The following DGKE variants were observed in gnomAD, a reference collection of about 807,000 sequenced individuals.
The protein encoded by DGKE is DAG kinase epsilon.
Under a neutral mutation model 70.0 loss-of-function variants are expected in DGKE, and 53 were observed. That is an observed-to-expected ratio of 0.76 (90% CI 0.61 to 0.95). The LOEUF (loss-of-function observed/expected upper bound fraction) is 0.95. Among genes scored for constraint, DGKE ranks in the 40% least tolerant of loss-of-function variants. DGKE has a pLI of 0.00. For synonymous variants in DGKE, 291 were observed against 257.0 expected, an observed-to-expected ratio of 1.13 and a Z score of -1.27; for missense variants, 655 against 706.9, an observed-to-expected ratio of 0.93 and a Z score of 0.83.
rs1461964406 is a variant in DGKE at position 56,863,917 on chromosome 17, CAG to C, written c.*1128_*1129del. The C allele has an allele frequency of 1.3e-5, 2 of 152,180 alleles. No individual in the cohort carries two copies. The allele number at this position is 152,180 out of a possible 1,614,324, so 9.4% of individuals were successfully genotyped here. On this transcript the variant is annotated 3_prime_UTR_variant, in exon 12 of 12. Transcript: ENST00000284061. ...TCACATAAATTCTGCTAGTCACAAT[CAG>C]ATAGAAATTTAGTCTATTAATTAAA...
chr17:56,868,389 C>T lies in DGKE; in HGVS notation c.*5598C>T, dbSNP rs1329545005. On this transcript the variant is annotated 3_prime_UTR_variant, in exon 12 of 12. Transcript: ENST00000284061. ...TTTGTACAAGTTTAGAGCAGCCTAGCTCGAGTCCTCAACCCCAGTCCTCTT... is the reference window on the plus strand; with the variant it reads ...TTTGTACAAGTTTAGAGCAGCCTAGTTCGAGTCCTCAACCCCAGTCCTCTT... The T allele has an allele frequency of 6.6e-6, 1 of 152,260 alleles. No individual in the cohort carries two copies. Among genetic ancestry groups the T allele is most frequent in the Non-Finnish European group, 1.5e-5 (1 of 68,052 alleles). The allele number at this position is 152,260 out of a possible 1,614,324, so 9.4% of individuals were successfully genotyped here. A position where few individuals can be genotyped will look rare whatever the true frequency, so the allele number is the denominator to read the frequency against.
In DGKE at chr17:56,867,784, A is replaced by G. The variant is rs1193865296; in HGVS notation, c.*4993A>G. On this transcript the variant is annotated 3_prime_UTR_variant, in exon 12 of 12. Transcript: ENST00000284061. ...GTGGCGGGCACCTGTAGTCCCAGCT[A>G]CTCGGGAGGCTGAGGCAGGAGAATG... 6.6e-6 allele frequency: 1 copy of G among 152,012 alleles called. No homozygotes were observed. Among genetic ancestry groups the G allele is most frequent in the Non-Finnish European group, 1.5e-5 (1 of 68,158 alleles). 9.4% of individuals were successfully genotyped at this position (152,012 alleles called of 1,614,324 possible).
At chr17:56,847,808 A>ATAG (rs1181099923) in intron 4 of DGKE, 114 bp from the exon 5 acceptor site, 1 of 666,820 alleles carries the variant, frequency 1.5e-6, no homozygotes, top group Non-Finnish European at 2.2e-6. Context: ...TGTTAAATAC[A>ATAG]TAGTAGCCAG....
chr17:56,839,471 G>C (rs903176887), intron 2 of DGKE, among the ~76,000 whole-genome samples: 1 of 152,098 alleles, frequency 6.6e-6, no homozygotes, highest in Non-Finnish European at 1.5e-5. Flanking sequence ...GTTTGAATAT[G>C]GTATTTCTAA....
chr17:56,859,146 T>C (rs1908127563), intron 9 of DGKE, among the ~76,000 whole-genome samples: 1 of 138,242 alleles, frequency 7.2e-6, no homozygotes, highest in Admixed American at 7.9e-5. Flanking sequence ...CATACCAAAA[T>C]AAAAATGTAT....
Position 56,850,210 on chromosome 17 carries a change from C to T in DGKE, c.1098+978C>T, listed in dbSNP as rs555588146. On this transcript the variant is annotated intron_variant, in intron 7 of 11. Coordinates refer to ENST00000284061, the MANE Select transcript of DGKE (RefSeq NM_003647.3). The stretch of plus-strand genomic sequence containing the variant: ...TTGTGATGACAGCTCACTGCAGCCT[C>T]GACCTCTGGGCCCAAGCGATCCTCC... Among the ~76,000 whole-genome samples, 25 of 152,024 alleles carry T rather than the reference C, an allele frequency of 1.6e-4. No homozygotes were observed. The South Asian group carries it at 4.4e-3, about 27-fold the overall frequency.
intron 2 of DGKE, among the ~76,000 whole-genome samples, chr17:56,838,293 G>C (rs1218641269): frequency 6.6e-6 from 1 of 152,140 alleles, no homozygotes; most frequent in Non-Finnish European, 1.5e-5. Flanking sequence ...ATTGGTGTGT[G>C]TTTATTCATT....
chr17:56,839,683 AT>A (rs143240418), intron 2 of DGKE, among the ~76,000 whole-genome samples: 2,495 of 149,318 alleles, frequency 0.017, 66 homozygotes, highest in African/African-American at 0.058. Context: ...CATGCCTGAT[AT>A]TTTTTTTTTC....
At chr17:56,849,499 G>A (rs899567558) in intron 7 of DGKE, among the ~76,000 whole-genome samples, 1 of 152,184 alleles carries the variant, frequency 6.6e-6, no homozygotes, top group African/African-American at 2.4e-5. Flanking sequence ...GGACTTTCCA[G>A]GCAGAGGGAA....
rs1908377601 is a variant in DGKE at position 56,862,839 on chromosome 17, T to TA, written c.*49dup. 7.2e-7 allele frequency: 1 copy of TA among 1,394,322 alleles called. No individual in the cohort carries two copies. The highest frequency in any genetic ancestry group is 2.8e-5 in the Admixed American group (1 of 35,710). The allele number at this position is 1,394,322 out of a possible 1,614,324, so 86.4% of individuals were successfully genotyped here. A position where few individuals can be genotyped will look rare whatever the true frequency, so the allele number is the denominator to read the frequency against. On this transcript the variant is annotated 3_prime_UTR_variant, in exon 12 of 12. Transcript: ENST00000284061. ...TGCATAGAATCCTCACGCAAGTAGA[T>TA]ACATGTTCATCCAAAAGTATTAATA...
Position 56,861,773 on chromosome 17 carries a change from A to C in DGKE, c.1285-18A>C, listed in dbSNP as rs751228129. ...ATTGTGTATCCTGTAGTCACTATCT[A>C]TTTGTATTTCTTTAAAGCTAGAACT... On this transcript the variant is annotated intron_variant, in intron 9 of 11. Transcript: ENST00000284061. The C allele has an allele frequency of 1.2e-6, 2 of 1,609,968 alleles. No homozygotes were observed. The highest frequency in any genetic ancestry group is 8.5e-7 in the Non-Finnish European group (1 of 1,178,956).
rs536119091 is a variant in DGKE, at chr17:56,850,372, A to G, written c.1098+1140A>G. Among the ~76,000 whole-genome samples, 20 of 152,266 alleles carry G rather than the reference A, an allele frequency of 1.3e-4. No homozygotes were observed. The South Asian group carries it at 3.3e-3, about 25-fold the overall frequency. The stretch of plus-strand genomic sequence containing the variant: ...GGTCTCGAACTCCTAGGCTCAAGCA[A>G]TCCTCCCACCTCAGCCTTCCAAAGT... On this transcript the variant is annotated intron_variant, in intron 7 of 11. Coordinates refer to ENST00000284061, the MANE Select transcript of DGKE (RefSeq NM_003647.3).
At position 56,864,635 on chromosome 17, in the gene DGKE, GAA is replaced by G. The variant is rs1908459303; in HGVS notation, c.*1845_*1846del. ...GGGCCAATCATGTTCTGAGTATTATGAAGTTTATCCTTTCATTCATGATCAAA... is the reference window on the plus strand; with the variant it reads ...GGGCCAATCATGTTCTGAGTATTATGGTTTATCCTTTCATTCATGATCAAA... On this transcript the variant is annotated 3_prime_UTR_variant, in exon 12 of 12. Transcript: ENST00000284061. 1 of 149,244 alleles carries G rather than the reference GAA, an allele frequency of 6.7e-6. No individual in the cohort carries two copies. Among genetic ancestry groups the G allele is most frequent in the Admixed American group, 6.7e-5 (1 of 14,986 alleles). The allele number at this position is 149,244 out of a possible 1,614,324, so 9.2% of individuals were successfully genotyped here.
Position 56,845,813 on chromosome 17 carries a change from A to G in DGKE, c.744+4A>G, listed in dbSNP as rs1241850756. On this transcript the variant is annotated splice_donor_region_variant and intron_variant, in intron 4 of 11. Coordinates refer to ENST00000284061, the MANE Select transcript of DGKE (RefSeq NM_003647.3). ...GATCTTGTTGAATCCAGTCCAGGTAACTAAAGAAAAAAACTTTTTATATTA... is the reference window on the plus strand; with the variant it reads ...GATCTTGTTGAATCCAGTCCAGGTAGCTAAAGAAAAAAACTTTTTATATTA... 6.4e-7 allele frequency: 1 copy of G among 1,567,632 alleles called. No individual in the cohort carries two copies. Among genetic ancestry groups the G allele is most frequent in the South Asian group, 1.2e-5 (1 of 82,670 alleles).
chr17:56,845,505 G>A (rs1260111332), intron 3 of DGKE, among the ~76,000 whole-genome samples, 185 bp from the exon 4 acceptor site: 1 of 152,118 alleles, frequency 6.6e-6, no homozygotes, highest in African/African-American at 2.4e-5. Context: ...TTGAATGGGA[G>A]CTTAAATTAG....
chr17:56,858,550 G>A (rs1193319097), intron 8 of DGKE, 44 bp from the exon 9 acceptor site: 1 of 1,485,778 alleles, frequency 6.7e-7, no homozygotes, highest in Admixed American at 2.0e-5. Flanking sequence ...TTGTTTACAG[G>A]GTTAGATTGT....
intron 2 of DGKE, among the ~76,000 whole-genome samples, chr17:56,843,151 A>C (rs1452978977): frequency 6.6e-6 from 1 of 152,092 alleles, no homozygotes; most frequent in African/African-American, 2.4e-5. Flanking sequence ...TATATATAAA[A>C]CTATCATTTT....
chr17:56,835,356 C>A, intron 2 of DGKE, 97 bp downstream of exon 2: 1 of 1,275,510 alleles, frequency 7.8e-7, no homozygotes, highest in Non-Finnish European at 1.1e-6. Flanking sequence ...CTGCTGATGA[C>A]CTAAACTCAT....
At chr17:56,837,224 T>C (rs1193476241) in intron 2 of DGKE, among the ~76,000 whole-genome samples, 1 of 152,178 alleles carries the variant, frequency 6.6e-6, no homozygotes, top group Non-Finnish European at 1.5e-5. Context: ...GTTTTTTTTT[T>C]CTGGCAACCC....
Sources: gnomAD v4.1 joint callset for allele counts (sites outside exome capture counted in the v4.1 genomes callset) on GRCh38, gnomAD v4.1.1 for gene constraint, MANE v1.5 for transcripts, NCBI Gene and HGNC (gene_info 2026-07-23, HGNC 2026-07-21) for gene names.